ROBO2: variants seen among roughly 807,000 people sequenced by gnomAD.
The protein encoded by ROBO2 is roundabout guidance receptor 2.
In ROBO2, 53 loss-of-function variants were observed where a neutral mutation model predicts 160.8. The ratio of observed to expected loss-of-function variants is 0.33; its 90% CI spans 0.26 to 0.41. ROBO2 has a LOEUF of 0.41. Ranked by LOEUF, ROBO2 falls within the 10% of genes least tolerant of loss-of-function variation. The probability of loss-of-function intolerance (pLI) is 1.00; values close to 1 mark genes in which losing one functional copy is unlikely to be tolerated. For synonymous variants in ROBO2, 664 were observed against 611.7 expected, an observed-to-expected ratio of 1.09 and a Z score of -1.26; for missense variants, 1,577 against 1,722.4, an observed-to-expected ratio of 0.92 and a Z score of 1.49.
chr3:77,165,459 G>A lies in ROBO2; in HGVS notation c.388+67119G>A, dbSNP rs529388985. The stretch of plus-strand genomic sequence containing the variant: ...CAGGGTCCTCTGCCTAGGAAAACCA[G>A]AGACCTTTGTTCACTTGTTTATCTG... On this transcript the variant is annotated intron_variant, in intron 2 of 25. Coordinates refer to ENST00000461745, the Ensembl canonical transcript of ROBO2. 8.6e-3 allele frequency among the ~76,000 whole-genome samples: 1,274 copies of A among 148,260 alleles called. 7 individuals carry two copies. The highest frequency in any genetic ancestry group is 0.014 in the Non-Finnish European group (934 of 67,044).
chr3:77,379,002 C>T (rs912006097), intron 2 of ROBO2, among the ~76,000 whole-genome samples: 1 of 151,424 alleles, frequency 6.6e-6, no homozygotes, highest in South Asian at 2.1e-4. Flanking sequence ...GGCTGGAGTG[C>T]AATGGCGTGA....
intron 2 of ROBO2, among the ~76,000 whole-genome samples, chr3:76,139,844 A>G (rs1260712639): frequency 6.6e-6 from 1 of 152,082 alleles, no homozygotes; most frequent in Non-Finnish European, 1.5e-5. Flanking sequence ...CCAATCTCAT[A>G]TTAGAACTAA....
chr3:77,602,325 A>G, exon 20 of ROBO2: 1 of 1,614,138 alleles, frequency 6.2e-7, no homozygotes, highest in South Asian at 1.1e-5. Flanking sequence ...GTTCCAGCCA[A>G]ATAACACAGG....
At chr3:76,682,234 T>G (rs1222285135) in intron 2 of ROBO2, among the ~76,000 whole-genome samples, 1 of 152,096 alleles carries the variant, frequency 6.6e-6, no homozygotes, top group Non-Finnish European at 1.5e-5. Flanking sequence ...ATATCAACTA[T>G]GGACTCAGGG....
intron 13 of ROBO2, among the ~76,000 whole-genome samples, chr3:77,572,002 T>G (rs1056647320): frequency 6.6e-6 from 1 of 151,804 alleles, no homozygotes; most frequent in Non-Finnish European, 1.5e-5. Flanking sequence ...TACACTGAAG[T>G]GTGCAAGTGT....
At chr3:76,690,045 C>G (rs899279399) in intron 2 of ROBO2, among the ~76,000 whole-genome samples, 133 of 152,230 alleles carry the variant, frequency 8.7e-4, no homozygotes, top group African/African-American at 2.7e-3. Flanking sequence ...ATGGCACCTA[C>G]ATTTACCTAG....
rs2092396446 is a variant in ROBO2 at position 77,540,287 on chromosome 3, T to C, written c.935-6051T>C. 2.6e-5 allele frequency among the ~76,000 whole-genome samples: 4 copies of C among 152,286 alleles called. No homozygotes were observed. In the South Asian group the frequency reaches 8.3e-4, roughly 32 times the overall value. ...TTATTTTGCAAATCTTTGTAGCATATTGGAAATAATAGCGTTAAAGTTCTA... is the reference window on the plus strand; with the variant it reads ...TTATTTTGCAAATCTTTGTAGCATACTGGAAATAATAGCGTTAAAGTTCTA... On this transcript the variant is annotated intron_variant, in intron 6 of 25. Coordinates refer to ENST00000461745, the Ensembl canonical transcript of ROBO2.
At chr3:77,100,005 G>A (rs570223443) in intron 2 of ROBO2, among the ~76,000 whole-genome samples, 22 of 151,928 alleles carry the variant, frequency 1.4e-4, no homozygotes, top group African/African-American at 4.6e-4. Flanking sequence ...CAGCAAATAA[G>A]GTGTTTAAAT....
intron 2 of ROBO2, among the ~76,000 whole-genome samples, chr3:76,023,608 A>T (rs1413489803): frequency 6.6e-6 from 1 of 151,596 alleles, no homozygotes; most frequent in East Asian, 1.9e-4. Context: ...TGCCCCACAA[A>T]CAATTACAAT....
intron 2 of ROBO2, among the ~76,000 whole-genome samples, chr3:76,274,957 G>T (rs1707834797): frequency 6.6e-6 from 1 of 151,974 alleles, no homozygotes; most frequent in African/African-American, 2.4e-5. Context: ...TTTATGCAGA[G>T]ATTTGTGCCA....
intron 2 of ROBO2, among the ~76,000 whole-genome samples, chr3:75,990,137 C>T (rs1417151813): frequency 1.3e-5 from 2 of 152,088 alleles, no homozygotes; most frequent in African/African-American, 4.8e-5. Flanking sequence ...AAATATATCT[C>T]AATTGTATTT....
At chr3:76,063,933 C>T (rs2107907062) in intron 2 of ROBO2, among the ~76,000 whole-genome samples, 1 of 152,226 alleles carries the variant, frequency 6.6e-6, no homozygotes, top group African/African-American at 2.4e-5. Context: ...TTCCCTCTAG[C>T]TTTAGAGAAG....
intron 2 of ROBO2, among the ~76,000 whole-genome samples, chr3:76,578,863 G>A (rs555820542): frequency 2.3e-4 from 35 of 152,078 alleles, no homozygotes; most frequent in African/African-American, 8.0e-4. Context: ...TAATCCTTTC[G>A]CCCAAACCTA....
intron 2 of ROBO2, among the ~76,000 whole-genome samples, chr3:76,054,451 C>A (rs761851457): frequency 1.3e-5 from 2 of 152,288 alleles, no homozygotes; most frequent in African/African-American, 4.8e-5. Context: ...CTAAAGTTAA[C>A]TATACCCCTG....
chr3:76,826,581 G>A (rs1170655890), intron 2 of ROBO2, among the ~76,000 whole-genome samples: 1 of 152,036 alleles, frequency 6.6e-6, no homozygotes, highest in Non-Finnish European at 1.5e-5. Context: ...TGCTACATAA[G>A]GCTAGAGGTA....
intron 2 of ROBO2, among the ~76,000 whole-genome samples, chr3:76,801,996 T>C (rs1224215970): frequency 2.6e-5 from 4 of 152,152 alleles, no homozygotes; most frequent in Non-Finnish European, 5.9e-5. Flanking sequence ...AACACACACC[T>C]GTATTGATTA....
At chr3:76,313,463 G>T (rs2071744217) in intron 2 of ROBO2, among the ~76,000 whole-genome samples, 1 of 152,190 alleles carries the variant, frequency 6.6e-6, no homozygotes, top group Admixed American at 6.5e-5. Flanking sequence ...ACAATGTAAG[G>T]ATCTTCATTT....
chr3:76,392,889 C>G (rs1216722905), intron 2 of ROBO2, among the ~76,000 whole-genome samples: 2 of 152,160 alleles, frequency 1.3e-5, no homozygotes, highest in African/African-American at 2.4e-5. Flanking sequence ...CCCACCACTG[C>G]TACTCAAACT....
At chr3:76,979,315 GAAT>G (rs2149318694) in intron 2 of ROBO2, among the ~76,000 whole-genome samples, 1 of 152,112 alleles carries the variant, frequency 6.6e-6, no homozygotes, top group African/African-American at 2.4e-5. Context: ...ACCAGCATGT[GAAT>G]AATGTTCACT....
Sources: allele counts gnomAD v4.1 joint callset (sites outside exome capture counted in the v4.1 genomes callset), GRCh38; gene constraint gnomAD v4.1.1; transcripts MANE v1.5; gene names NCBI Gene and HGNC (gene_info 2026-07-23, HGNC 2026-07-21).